The following HIBADH variants were observed in gnomAD, a reference collection of about 807,000 sequenced individuals.
HIBADH encodes the protein 3-hydroxyisobutyrate dehydrogenase, mitochondrial.
HIBADH carries 25 observed loss-of-function variants against 36.1 expected under a neutral mutation model. That is an observed-to-expected ratio of 0.69 (90% CI 0.50 to 0.97). The LOEUF is 0.97. Ranked by LOEUF, HIBADH falls within the 50% of genes least tolerant of loss-of-function variation. HIBADH has a pLI of 0.00. For missense variants in HIBADH, 421 were observed against 418.0 expected (o/e 1.01, Z -0.06); for synonymous variants, 160 against 149.5 (o/e 1.07, Z -0.51).
intron 4 of HIBADH, among the ~76,000 whole-genome samples, chr7:27,592,565 T>TA (rs1205436882): frequency 6.6e-6 from 1 of 152,208 alleles, no homozygotes; most frequent in African/African-American, 2.4e-5. Flanking sequence ...TGGTGAATGT[T>TA]ATAGGCTGAC....
intron 4 of HIBADH, among the ~76,000 whole-genome samples, chr7:27,599,637 G>A (rs1562637643): frequency 1.5e-5 from 2 of 132,522 alleles, no homozygotes; most frequent in Admixed American, 8.5e-5. Context: ...AGCCCAGATG[G>A]CGCCACTGCA....
At chr7:27,620,158 A>G (rs1033995709) in intron 4 of HIBADH, among the ~76,000 whole-genome samples, 16 of 152,012 alleles carry the variant, frequency 1.1e-4, no homozygotes, top group African/African-American at 3.9e-4. Flanking sequence ...CATCACTACA[A>G]AACTTTTAAA....
At chr7:27,601,053 A>G (rs967904778) in intron 4 of HIBADH, among the ~76,000 whole-genome samples, 1 of 152,168 alleles carries the variant, frequency 6.6e-6, no homozygotes, top group Non-Finnish European at 1.5e-5. Context: ...GGCAAAGGAA[A>G]ATGTTATAAA....
At chr7:27,652,751 G>A (rs12671723) in intron 1 of HIBADH, among the ~76,000 whole-genome samples, 31,175 of 152,014 alleles carry the variant, frequency 0.21, 3,997 homozygotes, top group East Asian at 0.41. Flanking sequence ...CTGTACAACA[G>A]CACTAATCCT....
chr7:27,575,004 T>A (rs988498782), intron 4 of HIBADH, among the ~76,000 whole-genome samples: 2 of 152,188 alleles, frequency 1.3e-5, no homozygotes, highest in Admixed American at 1.3e-4. Context: ...GCTCAACTTA[T>A]TGGACAAAGG....
In HIBADH at chr7:27,632,384, G is replaced by A; in HGVS notation, c.314C>T (p.Thr105Ile). The part of the protein sequence containing the change: ...KADRIITMLP[T>I]SINAIEAYSG... Reference sequence around the variant, plus strand: ...ATAAGCTTCTATTGCATTGATACTGGTGGGCAGCATTGTAATAATTCTGTC... The same window carrying A: ...ATAAGCTTCTATTGCATTGATACTGATGGGCAGCATTGTAATAATTCTGTC... Residue 105 changes from threonine (T) to isoleucine (I), a missense_variant, in exon 3 of 8, where the codon ACC (threonine) becomes ATC (isoleucine). Thr to Ile is a moderately conservative substitution (Grantham distance 89). Transcript: ENST00000265395. 3 of 1,613,402 alleles carry A rather than the reference G, an allele frequency of 1.9e-6. No homozygotes were observed. The highest frequency in any genetic ancestry group is 2.5e-6 in the Non-Finnish European group (3 of 1,179,596).
intron 4 of HIBADH, among the ~76,000 whole-genome samples, chr7:27,628,476 A>T (rs1323648034): frequency 6.6e-6 from 1 of 152,144 alleles, no homozygotes; most frequent in Non-Finnish European, 1.5e-5. Flanking sequence ...CTGATTACAC[A>T]GTAATTTTGG....
chr7:27,621,440 A>G (rs1785541045), intron 4 of HIBADH, among the ~76,000 whole-genome samples: 3 of 152,218 alleles, frequency 2.0e-5, no homozygotes, highest in Admixed American at 2.0e-4. Context: ...CAGTATATGG[A>G]ACATTCTCCA....
intron 4 of HIBADH, among the ~76,000 whole-genome samples, chr7:27,554,669 G>A (rs545614972): frequency 4.6e-5 from 7 of 152,292 alleles, no homozygotes; most frequent in Admixed American, 6.5e-5. Flanking sequence ...CAGAAGTAAT[G>A]GCTGTCAGAG....
chr7:27,577,164 C>CTTTTTTTTT lies in HIBADH; in HGVS notation c.485-34065_485-34064insAAAAAAAAA, dbSNP rs35467427. 4.2e-5 allele frequency among the ~76,000 whole-genome samples: 6 copies of CTTTTTTTTT among 143,888 alleles called. 3 individuals carry two copies. Among genetic ancestry groups the CTTTTTTTTT allele is most frequent in the Non-Finnish European group, 9.1e-5 (6 of 66,046 alleles). The allele number at this position is 143,888 out of a possible 152,430, so 94.4% of individuals were successfully genotyped here. ...TGTGAACTTTCCAAGCATCATTTCT[C>CTTTTTTTTT]TCTTTTTTTTTTTTTTGAGATGGAG... On this transcript the variant is annotated intron_variant, in intron 4 of 7. Transcript: ENST00000265395.
At chr7:27,618,075 G>C (rs1270904131) in intron 4 of HIBADH, among the ~76,000 whole-genome samples, 1 of 152,216 alleles carries the variant, frequency 6.6e-6, no homozygotes, top group African/African-American at 2.4e-5. Context: ...CACAAACCCT[G>C]TGCTTGGCTT....
intron 4 of HIBADH, among the ~76,000 whole-genome samples, chr7:27,591,320 G>A (rs1441570775): frequency 2.6e-5 from 4 of 152,190 alleles, no homozygotes; most frequent in African/African-American, 9.6e-5. Context: ...GGGAGGCCAA[G>A]GCAGGCGGAT....
chr7:27,538,540 C>T (rs1784100570), intron 5 of HIBADH, 123 bp from the exon 6 acceptor site: 1 of 802,274 alleles, frequency 1.2e-6, no homozygotes, highest in Non-Finnish European at 2.1e-6. Context: ...TGTTGATTTT[C>T]TCGAGTGCGG....
intron 4 of HIBADH, among the ~76,000 whole-genome samples, chr7:27,551,657 A>G (rs1784321778): frequency 6.6e-6 from 1 of 152,198 alleles, no homozygotes. Flanking sequence ...TTCTATGACT[A>G]TTAGAAAGAA....
chr7:27,650,746 C>T (rs1583620885), intron 1 of HIBADH, among the ~76,000 whole-genome samples: 2 of 144,958 alleles, frequency 1.4e-5, no homozygotes, highest in African/African-American at 5.1e-5. Flanking sequence ...AAAAACTACA[C>T]AGGTTTTATT....
intron 4 of HIBADH, among the ~76,000 whole-genome samples, chr7:27,568,910 T>TC (rs1784586091): frequency 8.8e-6 from 1 of 113,638 alleles, no homozygotes; most frequent in Non-Finnish European, 1.7e-5. Context: ...GCCACCTTTT[T>TC]TTTTTTCCAA....
At chr7:27,547,175 G>A (rs1319642123) in intron 4 of HIBADH, among the ~76,000 whole-genome samples, 1 of 152,086 alleles carries the variant, frequency 6.6e-6, no homozygotes, top group East Asian at 1.9e-4. Context: ...ACTCCTTGCT[G>A]TTCTTGAAAC....
rs956562693 is a variant in HIBADH at position 27,560,673 on chromosome 7, G to A, written c.485-17573C>T. On this transcript the variant is annotated intron_variant, in intron 4 of 7. Coordinates refer to ENST00000265395, the MANE Select transcript of HIBADH (RefSeq NM_152740.4). ...TTTGTTCTTTAACCTTGAGAATACTGTCTCAATAACATTCCATTACGTGCA... is the reference window on the plus strand; with the variant it reads ...TTTGTTCTTTAACCTTGAGAATACTATCTCAATAACATTCCATTACGTGCA... Among the ~76,000 whole-genome samples, 53 of 152,138 alleles carry A rather than the reference G, an allele frequency of 3.5e-4. 2 individuals are homozygous for A.
chr7:27,605,170 T>C (rs921101659), intron 4 of HIBADH, among the ~76,000 whole-genome samples: 3 of 152,144 alleles, frequency 2.0e-5, no homozygotes, highest in Non-Finnish European at 4.4e-5. Context: ...TGAATACGTA[T>C]TTTAATGAAA....
Sources: allele counts gnomAD v4.1 joint callset (sites outside exome capture counted in the v4.1 genomes callset), GRCh38; gene constraint gnomAD v4.1.1; transcripts MANE v1.5; gene names NCBI Gene and HGNC (gene_info 2026-07-23, HGNC 2026-07-21).